Variants in NECTIN2 observed in about 807,000 individuals in gnomAD.
NECTIN2 encodes the protein nectin cell adhesion molecule 2.
NECTIN2 carries 23 observed loss-of-function variants against 56.9 expected under a neutral mutation model. The ratio of observed to expected loss-of-function variants is 0.40; its 90% CI spans 0.29 to 0.57. The LOEUF (loss-of-function observed/expected upper bound fraction) is 0.57. Among genes scored for constraint, NECTIN2 ranks in the 20% least tolerant of loss-of-function variants. The probability of loss-of-function intolerance (pLI) is 0.38; values close to 1 mark genes in which losing one functional copy is unlikely to be tolerated. For synonymous variants in NECTIN2, 302 were observed against 313.8 expected (o/e 0.96, Z 0.40); for missense variants, 587 against 718.3 (o/e 0.82, Z 2.09).
Position 44,871,998 on chromosome 19 carries a change from G to T in NECTIN2, c.624G>T (p.Gln208His), listed in dbSNP as rs775061127. 6.2e-7 allele frequency: 1 copy of T among 1,614,170 alleles called. No homozygotes were observed. The highest frequency in any genetic ancestry group is 1.1e-5 in the South Asian group (1 of 91,080). ...TGGACTGGGAAGCCAAAGAGACTCA[G>T]GTGTCAGGGACCCTGGCCGGAACTG... ...SSLDWEAKET[Q>H]VSGTLAGTVT... The change falls in exon 3 of 9, where the codon CAG becomes CAT. Residue 208 changes from glutamine (Q) to histidine (H), a missense_variant. Coordinates refer to ENST00000252483, the MANE Select transcript of NECTIN2 (RefSeq NM_001042724.2).
intron 5 of NECTIN2, among the ~76,000 whole-genome samples, chr19:44,880,820 T>G (rs555048458): frequency 4.0e-4 from 60 of 150,864 alleles, no homozygotes; most frequent in African/African-American, 1.4e-3. Context: ...TTATCCAGGC[T>G]GGAGTGCAAT....
At chr19:44,883,953 CA>C (rs199899017) in intron 6 of NECTIN2, among the ~76,000 whole-genome samples, 1 of 150,648 alleles carries the variant, frequency 6.6e-6, no homozygotes, top group Non-Finnish European at 1.5e-5. Context: ...AACCTGTCTA[CA>C]AAAAAAATAC....
intron 1 of NECTIN2, among the ~76,000 whole-genome samples, chr19:44,848,801 A>C (rs1968867389): frequency 2.8e-5 from 4 of 142,642 alleles, no homozygotes; most frequent in African/African-American, 7.9e-5. Context: ...TCCTCTCCCC[A>C]TCTCTCTCTC....
In NECTIN2 at chr19:44,850,770, G is replaced by C. The variant is rs77180784; in HGVS notation, c.88+4157G>C. ...TGCTCACTCCCTGAACCAGCTCCTG[G>C]ATTTCCGCTGTGGGGGTTGGGCACT... On this transcript the variant is annotated intron_variant, in intron 1 of 8. Transcript: ENST00000252483. Among the ~76,000 whole-genome samples the C allele has an allele frequency of 5.2e-3, 794 of 152,252 alleles. 5 individuals carry two copies. Among genetic ancestry groups the C allele is most frequent in the African/African-American group, 0.019 (770 of 41,534 alleles).
chr19:44,853,778 C>T (rs775261248), intron 1 of NECTIN2, among the ~76,000 whole-genome samples: 3 of 152,204 alleles, frequency 2.0e-5, no homozygotes, highest in South Asian at 2.1e-4. Context: ...TGAGCCATTG[C>T]GCCCAGGGAT....
At chr19:44,887,555 G>A (rs1017747196) in intron 8 of NECTIN2, among the ~76,000 whole-genome samples, 1 of 152,108 alleles carries the variant, frequency 6.6e-6, no homozygotes, top group African/African-American at 2.4e-5. Context: ...TGAGGCAGGA[G>A]AATCGCTTGG....
rs143431312 is a variant in NECTIN2, at chr19:44,862,153, C to T, written c.89-3118C>T. On this transcript the variant is annotated intron_variant, in intron 1 of 8. Coordinates refer to ENST00000252483, the MANE Select transcript of NECTIN2 (RefSeq NM_001042724.2). ...TGTACAGGCCGGGCACTGTGGCTGA[C>T]GCCTGTAATCCTAGCACTTTGAGAG... Among the ~76,000 whole-genome samples, 1,183 of 152,260 alleles carry T rather than the reference C, an allele frequency of 7.8e-3. 5 individuals are homozygous for T. The highest frequency in any genetic ancestry group is 0.014 in the Non-Finnish European group (938 of 68,028).
At chr19:44,878,492 G>T in intron 5 of NECTIN2, 1 of 1,510,024 alleles carries the variant, frequency 6.6e-7, no homozygotes, top group Non-Finnish European at 9.0e-7. Flanking sequence ...TGGCAAGGAT[G>T]AGGAGGAGGA....
At chr19:44,849,654 G>C (rs531401047) in intron 1 of NECTIN2, among the ~76,000 whole-genome samples, 1 of 152,234 alleles carries the variant, frequency 6.6e-6, no homozygotes, top group East Asian at 1.9e-4. Flanking sequence ...GGAGACCCAG[G>C]AGGCAGGGAG....
intron 1 of NECTIN2, among the ~76,000 whole-genome samples, chr19:44,857,476 A>G (rs1968978558): frequency 6.6e-6 from 1 of 151,096 alleles, no homozygotes; most frequent in South Asian, 2.1e-4. Context: ...ATCTCTGCTC[A>G]CTGCAACCTC....
rs1328778936 is a variant in NECTIN2, at chr19:44,886,303, C to T, written c.1347+84C>T. 2.6e-6 allele frequency: 3 copies of T among 1,133,946 alleles called. No homozygotes were observed. The African/African-American group carries it at 4.6e-5, about 17-fold the overall frequency. The allele number at this position is 1,133,946 out of a possible 1,614,324, so 70.2% of individuals were successfully genotyped here. On this transcript the variant is annotated intron_variant, in intron 8 of 8. Coordinates refer to ENST00000252483, the MANE Select transcript of NECTIN2 (RefSeq NM_001042724.2). ...CAGGCCTGGCAAAAGAGGTCAAAGACTAAAGGTCATAACTCAAGGTCAAGG... is the reference window on the plus strand; with the variant it reads ...CAGGCCTGGCAAAAGAGGTCAAAGATTAAAGGTCATAACTCAAGGTCAAGG...
Position 44,874,052 on chromosome 19 carries a change from GA to G in NECTIN2, c.893+21del. On this transcript the variant is annotated intron_variant, in intron 4 of 8. Coordinates refer to ENST00000252483, the MANE Select transcript of NECTIN2 (RefSeq NM_001042724.2). The surrounding 1 kb of genome is among the most constrained non-coding windows in gnomAD (Gnocchi z 6.3). ...GGAGCACGTGAGTCACGTGGTCTCA[GA>G]ACCCTGGGTCTGAGGGAGGCGGGGC... 6.3e-7 allele frequency: 1 copy of G among 1,590,476 alleles called. No individual in the cohort carries two copies. The highest frequency in any genetic ancestry group is 8.6e-7 in the Non-Finnish European group (1 of 1,160,140).
chr19:44,885,911 C>T (rs1364356062), intron 6 of NECTIN2, 26 bp from the exon 7 acceptor site: 1 of 1,535,500 alleles, frequency 6.5e-7, no homozygotes. Context: ...TCTTAATCTC[C>T]ACTTGTCCTA....
At position 44,865,593 on chromosome 19, in the gene NECTIN2, C is replaced by G. The variant is rs1969091627; in HGVS notation, c.411C>G (p.Asn137Lys). Reference sequence around the variant, plus strand: ...GGCTCACGGTGGAGGACGAGGGCAACTACACTTGCGAGTTTGCCACCTTCC... The same window carrying G: ...GGCTCACGGTGGAGGACGAGGGCAAGTACACTTGCGAGTTTGCCACCTTCC... ...LHGLTVEDEG[N>K]YTCEFATFPK... is the part of the protein sequence containing the mutation. Residue 137 changes from asparagine to lysine, a missense_variant, in exon 2 of 9, where the codon AAC (asparagine) becomes AAG (lysine). Coordinates refer to ENST00000252483, the MANE Select transcript of NECTIN2 (RefSeq NM_001042724.2). This position sits in a 1 kb window ranked among gnomAD's most constrained non-coding sequence, Gnocchi z 5.2. 1 of 1,543,966 alleles carries G rather than the reference C, an allele frequency of 6.5e-7. No individual in the cohort carries two copies. The highest frequency in any genetic ancestry group is 1.4e-5 in the African/African-American group (1 of 73,108).
rs1433378686 is a variant in NECTIN2, at chr19:44,888,000, C to T, written c.1348-110C>T. On this transcript the variant is annotated intron_variant, in intron 8 of 8. Transcript: ENST00000252483. ...CAGGGGACAAGGAGTGAGGTGGCATCTTGTTGGCATGGGGAGAGAGCGGTC... is the reference window on the plus strand; with the variant it reads ...CAGGGGACAAGGAGTGAGGTGGCATTTTGTTGGCATGGGGAGAGAGCGGTC... 3 of 1,206,274 alleles carry T rather than the reference C, an allele frequency of 2.5e-6. No homozygotes were observed. In the Admixed American group the frequency reaches 6.5e-5, roughly 26 times the overall value. 74.7% of individuals were successfully genotyped at this position (1,206,274 alleles called of 1,614,324 possible). A position where few individuals can be genotyped will look rare whatever the true frequency, so the allele number is the denominator to read the frequency against.
Position 44,846,389 on chromosome 19 carries a change from G to A in NECTIN2, c.-137G>A. The A allele has an allele frequency of 8.9e-7, 1 of 1,119,172 alleles. No individual in the cohort carries two copies. Among genetic ancestry groups the A allele is most frequent in the Non-Finnish European group, 1.2e-6 (1 of 845,446 alleles). 69.3% of individuals were successfully genotyped at this position (1,119,172 alleles called of 1,614,324 possible). A position where few individuals can be genotyped will look rare whatever the true frequency, so the allele number is the denominator to read the frequency against. Reference sequence around the variant, plus strand: ...AGCTGGGCCGGGAGAGCAGAACAGGGAGGCTAGAGCGCAGCGGGAACCGGC... The same window carrying A: ...AGCTGGGCCGGGAGAGCAGAACAGGAAGGCTAGAGCGCAGCGGGAACCGGC... On this transcript the variant is annotated 5_prime_UTR_variant, in exon 1 of 9. Transcript: ENST00000252483.
chr19:44,864,012 T>TTCCACC, intron 1 of NECTIN2, among the ~76,000 whole-genome samples: 1 of 146,622 alleles, frequency 6.8e-6, no homozygotes, highest in East Asian at 2.2e-4. Flanking sequence ...TTCAGAGGAT[T>TTCCACC]CCCCCCCCCC....
chr19:44,878,857 G>T, intron 5 of NECTIN2: 22 of 1,302,978 alleles, frequency 1.7e-5, no homozygotes, highest in Non-Finnish European at 2.1e-5. Flanking sequence ...GAGGACCCCC[G>T]CCCCCAGAGA....
Position 44,887,306 on chromosome 19 carries a change from G to A in NECTIN2, c.1348-804G>A, listed in dbSNP as rs549755568. Among the ~76,000 whole-genome samples, 615 of 146,416 alleles carry A rather than the reference G, an allele frequency of 4.2e-3. 3 individuals carry two copies. Among genetic ancestry groups the A allele is most frequent in the Non-Finnish European group, 7.2e-3 (478 of 66,392 alleles). ...AGAAGTTGCAATGAGCTGAGACCAC[G>A]CCACTGCACTCCAGCCTAGGCAACA... is the stretch of plus-strand genomic sequence containing the variant. On this transcript the variant is annotated intron_variant, in intron 8 of 8. Transcript: ENST00000252483.
Sources: allele counts gnomAD v4.1 joint callset (sites outside exome capture counted in the v4.1 genomes callset), GRCh38; gene constraint gnomAD v4.1.1; non-coding constraint Gnocchi (gnomAD v3.1); transcripts MANE v1.5; gene names NCBI Gene and HGNC (gene_info 2026-07-23, HGNC 2026-07-21).